Variants in PTK2B observed in about 807,000 individuals in gnomAD.
PTK2B encodes the protein protein tyrosine kinase 2 beta, also known as protein-tyrosine kinase 2-beta.
In PTK2B, 71 loss-of-function variants were observed where a neutral mutation model predicts 142.9. The ratio of observed to expected loss-of-function variants is 0.50; its 90% confidence interval spans 0.41 to 0.61. The LOEUF (loss-of-function observed/expected upper bound fraction) is 0.61. PTK2B is among the 20% of genes least tolerant of loss of function. PTK2B has a pLI of 0.00. For missense variants in PTK2B, 1,105 were observed against 1,320.4 expected, an observed-to-expected ratio of 0.84 and a Z score of 2.53; for synonymous variants, 519 against 503.4, an observed-to-expected ratio of 1.03 and a Z score of -0.42.
upstream of PTK2B, chr8:27,322,628 C>T (rs1196138540): frequency 6.6e-6 from 1 of 152,204 alleles, no homozygotes; most frequent in Non-Finnish European, 1.5e-5. Flanking sequence ...CCCTGGGAAA[C>T]AGGTAGAACA....
chr8:27,377,293 T>C (rs1806731277), intron 1 of PTK2B, among the ~76,000 whole-genome samples: 3 of 152,142 alleles, frequency 2.0e-5, no homozygotes, highest in Admixed American at 2.0e-4. Flanking sequence ...ACACTCAGTG[T>C]TGGGTATGTG....
intron 2 of PTK2B, among the ~76,000 whole-genome samples, chr8:27,411,177 T>C (rs1809037511): frequency 6.6e-6 from 1 of 152,228 alleles, no homozygotes; most frequent in South Asian, 2.1e-4. Flanking sequence ...GAAAGAAATA[T>C]TGACTCAGTG....
chr8:27,455,847 G>A (rs1446008716), intron 30 of PTK2B, among the ~76,000 whole-genome samples: 1 of 152,242 alleles, frequency 6.6e-6, no homozygotes, highest in Admixed American at 6.5e-5. Flanking sequence ...ACAATACAGT[G>A]CCATGGGACG....
intron 2 of PTK2B, among the ~76,000 whole-genome samples, chr8:27,402,187 A>G (rs1402358765): frequency 6.6e-6 from 1 of 152,106 alleles, no homozygotes; most frequent in Non-Finnish European, 1.5e-5. Context: ...ATTATAATCC[A>G]TAGAATTGAG....
At chr8:27,379,601 T>C (rs1806888134) in intron 1 of PTK2B, among the ~76,000 whole-genome samples, 1 of 152,212 alleles carries the variant, frequency 6.6e-6, no homozygotes, top group African/African-American at 2.4e-5. Flanking sequence ...CACATTTCCA[T>C]AGATAATTTG....
Position 27,311,606 on chromosome 8 carries a change from A to G in PTK2B, c.-684A>G, listed in dbSNP as rs566513255. The G allele has an allele frequency of 6.1e-5, 18 of 295,446 alleles. No homozygotes were observed. The East Asian group carries it at 9.3e-4, about 15-fold the overall frequency. The allele number at this position is 295,446 out of a possible 1,614,324, so 18.3% of individuals were successfully genotyped here. ...ACTTCCGGCTGCAAATGGGAAAAGG[A>G]GCCTCTACCTTAACCAATCCCCGGG... On this transcript the variant is annotated 5_prime_UTR_variant, in exon 1 of 36. Transcript: ENST00000397501.
chr8:27,317,934 T>C (rs1375615153), intron 3 of PTK2B, among the ~76,000 whole-genome samples: 2 of 152,218 alleles, frequency 1.3e-5, no homozygotes, highest in East Asian at 3.8e-4. Context: ...AAATTTATAT[T>C]GAAGCACTCA....
chr8:27,415,918 G>T (rs1175817113), intron 2 of PTK2B, among the ~76,000 whole-genome samples: 1 of 152,162 alleles, frequency 6.6e-6, no homozygotes. Context: ...CCATGTTCAT[G>T]TATTACAGGC....
intron 1 of PTK2B, among the ~76,000 whole-genome samples, chr8:27,384,334 A>T (rs1035613652): frequency 1.3e-5 from 2 of 152,216 alleles, no homozygotes; most frequent in Admixed American, 1.3e-4. Flanking sequence ...CTAGTTGGTT[A>T]TAAGTATACA....
intron 1 of PTK2B, among the ~76,000 whole-genome samples, chr8:27,360,064 T>G (rs1414588194): frequency 6.6e-6 from 1 of 152,240 alleles, no homozygotes; most frequent in Non-Finnish European, 1.5e-5. Context: ...TTAAGATGTC[T>G]TTGTTATGGT....
At position 27,430,973 on chromosome 8, in the gene PTK2B, G is replaced by T; in HGVS notation, c.767G>T (p.Gly256Val). The T allele has an allele frequency of 6.2e-7, 1 of 1,614,118 alleles. No homozygotes were observed. The highest frequency in any genetic ancestry group is 8.5e-7 in the Non-Finnish European group (1 of 1,180,026). Residue 256 changes from glycine to valine, a missense_variant, in exon 8 of 31, where the codon GGC (glycine) becomes GTC (valine). Physicochemically the swap from Gly to Val is moderately radical, Grantham distance 109. Transcript: ENST00000346049. Reference protein sequence around the residue: ...CVMKFFNTLAGFANIDQETYR... With the variant: ...CVMKFFNTLAVFANIDQETYR... ...ATGAAGTTCTTCAACACTCTCGCCGGCTTCGCCAACATCGACCAGGAGACC... is the reference window on the plus strand; with the variant it reads ...ATGAAGTTCTTCAACACTCTCGCCGTCTTCGCCAACATCGACCAGGAGACC...
intron 1 of PTK2B, among the ~76,000 whole-genome samples, chr8:27,342,366 A>G (rs1586117387): frequency 6.6e-6 from 1 of 150,616 alleles, no homozygotes; most frequent in East Asian, 2.0e-4. Context: ...AGCTCACTTC[A>G]GTCTCAACCT....
At chr8:27,401,276 CAGG>C (rs1808372170) in intron 2 of PTK2B, among the ~76,000 whole-genome samples, 1 of 126,630 alleles carries the variant, frequency 7.9e-6, no homozygotes, top group South Asian at 2.5e-4. Flanking sequence ...CCAGGAGAAC[CAGG>C]AGAACAGAAT....
rs540764275 is a variant in PTK2B, at chr8:27,367,068, AAAG to A, written c.-37-30469_-37-30467del. Among the ~76,000 whole-genome samples the A allele has an allele frequency of 2.1e-3, 327 of 152,332 alleles. 1 individual carries two copies. Among genetic ancestry groups the A allele is most frequent in the African/African-American group, 7.5e-3 (311 of 41,574 alleles). Reference sequence around the variant, plus strand: ...ATGTTTGGAGTCTCTCTGGATTAAGAAAGAAGAAGAAGAGACAGAAATAGCCAA... The same window carrying A: ...ATGTTTGGAGTCTCTCTGGATTAAGAAAGAAGAAGAGACAGAAATAGCCAA... On this transcript the variant is annotated intron_variant, in intron 1 of 30. Coordinates refer to ENST00000346049, the MANE Select transcript of PTK2B (RefSeq NM_173176.3).
chr8:27,358,372 A>T (rs561823482), intron 1 of PTK2B, among the ~76,000 whole-genome samples: 4 of 152,194 alleles, frequency 2.6e-5, no homozygotes, highest in Non-Finnish European at 5.9e-5. Context: ...GTTTTGGTGC[A>T]TATAAGCTTA....
chr8:27,451,021 G>A (rs751018), intron 25 of PTK2B, 22 bp from the exon 26 acceptor site: 642,577 of 1,610,442 alleles, frequency 0.4, 131,064 homozygotes, highest in African/African-American at 0.47. Context: ...TTAGTCCTTC[G>A]CTCTTGTTTC....
intron 1 of PTK2B, among the ~76,000 whole-genome samples, chr8:27,391,130 G>T (rs932212162): frequency 2.7e-5 from 4 of 150,706 alleles, no homozygotes; most frequent in Non-Finnish European, 5.9e-5. Context: ...CCCCAGTCTG[G>T]AGTGCAATGG....
At chr8:27,398,242 G>C (rs58360447) in intron 2 of PTK2B, among the ~76,000 whole-genome samples, 1 of 152,234 alleles carries the variant, frequency 6.6e-6, no homozygotes, top group Non-Finnish European at 1.5e-5. Flanking sequence ...GGGGCACTTA[G>C]AGGATGACAA....
intron 1 of PTK2B, among the ~76,000 whole-genome samples, chr8:27,333,790 T>C (rs1485494935): frequency 3.3e-5 from 5 of 152,016 alleles, no homozygotes; most frequent in African/African-American, 1.2e-4. Context: ...TGCACTTAGA[T>C]CCACAGGCCC....
Sources: gnomAD v4.1 joint callset for allele counts (sites outside exome capture counted in the v4.1 genomes callset) on GRCh38, gnomAD v4.1.1 for gene constraint, MANE v1.5 for transcripts, NCBI Gene and HGNC (gene_info 2026-07-23, HGNC 2026-07-21) for gene names.